CA5B: variants seen among roughly 807,000 people sequenced by gnomAD.
CA5B encodes the protein carbonic anhydrase 5B.
CA5B carries 15 observed loss-of-function variants against 23.1 expected under a neutral mutation model. That is an observed-to-expected ratio of 0.65 (90% CI 0.43 to 1.00). CA5B has a LOEUF of 1.00. Ranked by LOEUF, CA5B falls within the 50% of genes least tolerant of loss-of-function variation. The pLI, the probability that CA5B is intolerant of heterozygous loss-of-function variation, is 0.00. For missense variants in CA5B, 236 were observed against 252.2 expected (o/e 0.94, Z 0.43); for synonymous variants, 84 against 98.5 (o/e 0.85, Z 0.87).
At chrX:15,775,770 G>A (rs1292941481) in intron 6 of CA5B, 2 of 749,606 alleles carry the variant, frequency 2.7e-6, no homozygotes, top group Non-Finnish European at 3.1e-6. Flanking sequence ...ATCTCAAAGG[G>A]CTGCTCTCTG....
intron 2 of CA5B, among the ~76,000 whole-genome samples, chrX:15,753,707 G>C (rs745934154): frequency 2.7e-5 from 3 of 112,152 alleles, no homozygotes; most frequent in Non-Finnish European, 5.6e-5. Context: ...TCAGGAGTTC[G>C]AGATCAGCCT....
At chrX:15,749,295 ATCT>A (rs1931307547) in intron 1 of CA5B, among the ~76,000 whole-genome samples, 2 of 111,997 alleles carry the variant, frequency 1.8e-5, no homozygotes, top group Admixed American at 9.5e-5. Flanking sequence ...GGAAAGCATC[ATCT>A]TCATCTTCTG....
At chrX:15,749,606 A>G (rs920038422) in intron 1 of CA5B, among the ~76,000 whole-genome samples, 7 of 110,428 alleles carry the variant, frequency 6.3e-5, no homozygotes, top group Non-Finnish European at 9.5e-5. Flanking sequence ...GTACATGTAA[A>G]TACCATGCTG....
chrX:15,776,173 C>G (rs1208804565), intron 6 of CA5B: 14 of 226,337 alleles, frequency 6.2e-5, no homozygotes, highest in Non-Finnish European at 8.7e-5. Flanking sequence ...CCCATCTCTC[C>G]TAAAAAATAC....
At chrX:15,773,427 T>G (rs1931858928) in intron 4 of CA5B, among the ~76,000 whole-genome samples, 1 of 24,230 alleles carries the variant, frequency 4.1e-5, no homozygotes, top group South Asian at 2.0e-3. Flanking sequence ...TTTTTTTTTT[T>G]GGGACAGAGT....
At chrX:15,776,920 A>G in intron 7 of CA5B, 51 bp downstream of exon 7, 1 of 1,068,167 alleles carries the variant, frequency 9.4e-7, no homozygotes, top group African/African-American at 1.8e-5. Flanking sequence ...CTGCCCATGT[A>G]AAACAAGGCT....
intron 1 of CA5B, chrX:15,745,661 T>C (rs1471312964): frequency 1.8e-5 from 2 of 112,265 alleles, no homozygotes; most frequent in Non-Finnish European, 3.8e-5. Context: ...AATCACTCAC[T>C]GTTCCTTCAG....
intron 2 of CA5B, among the ~76,000 whole-genome samples, chrX:15,753,185 A>G (rs953346806): frequency 1.8e-5 from 2 of 112,461 alleles, no homozygotes; most frequent in Non-Finnish European, 3.8e-5. Flanking sequence ...TATTTGGCTC[A>G]GAATAAATCT....
rs1160780891 is a variant in CA5B, at chrX:15,775,415, G to A, written c.618+107G>A. 5.7e-6 allele frequency: 6 copies of A among 1,045,019 alleles called. No homozygotes were observed. In the African/African-American group the frequency reaches 1.1e-4, roughly 20 times the overall value. 86.1% of individuals were successfully genotyped at this position (1,045,019 alleles called of 1,213,427 possible). A position where few individuals can be genotyped will look rare whatever the true frequency, so the allele number is the denominator to read the frequency against. On this transcript the variant is annotated intron_variant, in intron 6 of 7. Coordinates refer to ENST00000318636, the MANE Select transcript of CA5B (RefSeq NM_007220.4). Reference sequence around the variant, plus strand: ...ATTGGGAAGTTTAATTAGGTGAACTGTATTCAGCCTTAGAAGAAAACTTGC... The same window carrying A: ...ATTGGGAAGTTTAATTAGGTGAACTATATTCAGCCTTAGAAGAAAACTTGC...
intron 2 of CA5B, among the ~76,000 whole-genome samples, chrX:15,757,694 C>T (rs1297382727): frequency 2.0e-5 from 2 of 100,325 alleles, no homozygotes; most frequent in African/African-American, 3.7e-5. Flanking sequence ...GGTGACAGAG[C>T]GAGACTCCAT....
chrX:15,753,780 GCA>G (rs1931431772), intron 2 of CA5B, among the ~76,000 whole-genome samples: 1 of 111,788 alleles, frequency 8.9e-6, no homozygotes, highest in Non-Finnish European at 1.9e-5. Context: ...GTGGTGGTAT[GCA>G]CCTGTAATCC....
intron 2 of CA5B, among the ~76,000 whole-genome samples, chrX:15,752,397 A>G (rs1931378342): frequency 8.9e-6 from 1 of 112,205 alleles, no homozygotes; most frequent in Non-Finnish European, 1.9e-5. Flanking sequence ...ATAGCCCTGC[A>G]AAGCTGTTCT....
In CA5B at chrX:15,786,594, A is replaced by T. The variant is rs996401836; in HGVS notation, c.*3930A>T. On this transcript the variant is annotated 3_prime_UTR_variant, in exon 8 of 8. Coordinates refer to ENST00000318636, the MANE Select transcript of CA5B (RefSeq NM_007220.4). ...TTAAAATTGCTGTCCGTCTTCATTAAATAATACTAGATCGATACAATGCTT... is the reference window on the plus strand; with the variant it reads ...TTAAAATTGCTGTCCGTCTTCATTATATAATACTAGATCGATACAATGCTT... 1 of 111,494 alleles carries T rather than the reference A, an allele frequency of 9.0e-6. No homozygotes were observed. Among genetic ancestry groups the T allele is most frequent in the Non-Finnish European group, 1.9e-5 (1 of 53,140 alleles). The allele number at this position is 111,494 out of a possible 1,213,427, so 9.2% of individuals were successfully genotyped here.
chrX:15,744,617 T>C (rs1259994303), intron 1 of CA5B, among the ~76,000 whole-genome samples: 3 of 112,005 alleles, frequency 2.7e-5, no homozygotes, highest in Non-Finnish European at 3.8e-5. Context: ...TGGAATTGTT[T>C]ATTGAGTAAA....
chrX:15,750,541 C>CTT, intron 2 of CA5B: 1 of 117,725 alleles, frequency 8.5e-6, no homozygotes, highest in East Asian at 2.5e-4. Context: ...TAGCAATTGT[C>CTT]TTTTTTTTTT....
At chrX:15,771,700 A>C (rs1431890093) in intron 3 of CA5B, among the ~76,000 whole-genome samples, 2 of 108,941 alleles carry the variant, frequency 1.8e-5, no homozygotes, top group African/African-American at 6.7e-5. Context: ...AGCCTCCCAA[A>C]GTGTTGGGAT....
At chrX:15,763,706 A>G (rs1410946781) in intron 2 of CA5B, among the ~76,000 whole-genome samples, 5 of 112,498 alleles carry the variant, frequency 4.4e-5, no homozygotes, top group Non-Finnish European at 9.4e-5. Context: ...ACATGATTAT[A>G]GAGGCTGGGA....
At chrX:15,781,761 A>G (rs750179189) in intron 7 of CA5B, among the ~76,000 whole-genome samples, 18 of 110,728 alleles carry the variant, frequency 1.6e-4, no homozygotes, top group Non-Finnish European at 2.5e-4. Context: ...CAAAAAATTA[A>G]AAAATTAGCT....
chrX:15,748,096 G>A (rs1221848927), intron 1 of CA5B, among the ~76,000 whole-genome samples: 2 of 111,823 alleles, frequency 1.8e-5, no homozygotes, highest in African/African-American at 3.3e-5. Context: ...AAGGCTGGTC[G>A]CCCCACCCTA....
Sources: gnomAD v4.1 joint callset for allele counts (sites outside exome capture counted in the v4.1 genomes callset) on GRCh38, gnomAD v4.1.1 for gene constraint, MANE v1.5 for transcripts, NCBI Gene and HGNC (gene_info 2026-07-23, HGNC 2026-07-21) for gene names.